Variants in PIP5K1B observed in about 807,000 individuals in gnomAD.
PIP5K1B encodes phosphatidylinositol-4-phosphate 5-kinase type 1 beta.
PIP5K1B carries 42 observed loss-of-function variants against 67.0 expected under a neutral mutation model. The observed-to-expected ratio is 0.63, with a 90% CI of 0.49 to 0.81. The LOEUF is 0.81. PIP5K1B is among the 30% of genes least tolerant of loss of function. The pLI is 0.00. For missense variants in PIP5K1B, 459 were observed against 646.3 expected, an observed-to-expected ratio of 0.71 and a Z score of 3.14; for synonymous variants, 214 against 231.4, an observed-to-expected ratio of 0.92 and a Z score of 0.68.
intron 2 of PIP5K1B, among the ~76,000 whole-genome samples, chr9:68,803,690 T>C (rs573855343): frequency 2.0e-5 from 3 of 152,370 alleles, no homozygotes; most frequent in African/African-American, 7.2e-5. Context: ...ACTGCTAGAA[T>C]GTCTAGGAAT....
chr9:68,962,646 TA>T (rs1828813497), intron 14 of PIP5K1B, among the ~76,000 whole-genome samples: 1 of 152,164 alleles, frequency 6.6e-6, no homozygotes, highest in Admixed American at 6.5e-5. Context: ...CTCAGAGAAT[TA>T]AAATTATGGG....
intron 14 of PIP5K1B, among the ~76,000 whole-genome samples, chr9:68,951,323 A>G (rs931244450): frequency 8.5e-5 from 13 of 152,224 alleles, no homozygotes; most frequent in Non-Finnish European, 4.4e-5. Flanking sequence ...GAAAAAAATA[A>G]TGGTAGAGTT....
chr9:68,850,998 A>G (rs967817574), intron 4 of PIP5K1B, among the ~76,000 whole-genome samples: 2 of 152,210 alleles, frequency 1.3e-5, no homozygotes, highest in Non-Finnish European at 2.9e-5. Flanking sequence ...TCTGCAGTTG[A>G]TGGCCTGTCT....
chr9:68,865,577 G>T (rs561411932), intron 5 of PIP5K1B, among the ~76,000 whole-genome samples: 2 of 152,274 alleles, frequency 1.3e-5, no homozygotes, highest in East Asian at 3.9e-4. Context: ...CTGAAGGTGG[G>T]GGTATAAAGA....
chr9:68,883,383 T>G (rs1006709454), intron 6 of PIP5K1B, among the ~76,000 whole-genome samples: 3 of 152,182 alleles, frequency 2.0e-5, no homozygotes, highest in Non-Finnish European at 4.4e-5. Context: ...TAATGCTGTT[T>G]AGCAAGAGAT....
chr9:68,919,838 C>T lies in PIP5K1B; in HGVS notation c.1116+109C>T, dbSNP rs564128036. On this transcript the variant is annotated intron_variant, in intron 11 of 15. Transcript: ENST00000265382. ...TAGACTCTAAGAGGAAATGAAACAA[C>T]GGTCTTTATAAACTCAGAATCTTAG... 58 of 616,120 alleles carry T rather than the reference C, an allele frequency of 9.4e-5. 1 individual carries two copies. The South Asian group carries it at 1.1e-3, about 12-fold the overall frequency. The allele number at this position is 616,120 out of a possible 1,614,324, so 38.2% of individuals were successfully genotyped here. A position where few individuals can be genotyped will look rare whatever the true frequency, so the allele number is the denominator to read the frequency against.
intron 1 of PIP5K1B, among the ~76,000 whole-genome samples, chr9:68,711,536 A>G (rs985918655): frequency 6.6e-6 from 1 of 152,236 alleles, no homozygotes; most frequent in Non-Finnish European, 1.5e-5. Flanking sequence ...TGAACAATTT[A>G]TATATCCAAA....
chr9:68,993,093 C>T (rs1234862094), intron 15 of PIP5K1B, among the ~76,000 whole-genome samples: 15 of 151,540 alleles, frequency 9.9e-5, no homozygotes, highest in African/African-American at 3.4e-4. Context: ...ACCCGGGAGG[C>T]GGAGCTTGCG....
At chr9:68,944,373 A>G (rs1457833258) in intron 14 of PIP5K1B, among the ~76,000 whole-genome samples, 1 of 152,196 alleles carries the variant, frequency 6.6e-6, no homozygotes, top group East Asian at 1.9e-4. Context: ...ACTTATGAAT[A>G]TTTTCATGAT....
intron 15 of PIP5K1B, among the ~76,000 whole-genome samples, chr9:68,991,978 G>GT (rs929228269): frequency 6.7e-5 from 9 of 133,848 alleles, no homozygotes; most frequent in South Asian, 2.3e-4. Flanking sequence ...AATTTTTTTT[G>GT]GGGGGGGGCA....
At position 68,968,715 on chromosome 9, in the gene PIP5K1B, A is replaced by ATTTTT. The variant is rs1554749541; in HGVS notation, c.1503-22419_1503-22415dup. 8.5e-3 allele frequency among the ~76,000 whole-genome samples: 1,214 copies of ATTTTT among 142,196 alleles called. 19 individuals are homozygous for ATTTTT. Among genetic ancestry groups the ATTTTT allele is most frequent in the African/African-American group, 0.029 (1,131 of 38,480 alleles). The allele number at this position is 142,196 out of a possible 152,430, so 93.3% of individuals were successfully genotyped here. A position where few individuals can be genotyped will look rare whatever the true frequency, so the allele number is the denominator to read the frequency against. On this transcript the variant is annotated intron_variant, in intron 14 of 15. Coordinates refer to ENST00000265382, the MANE Select transcript of PIP5K1B (RefSeq NM_003558.4). ...TCCTTGTTTATATATATATATATAT[A>ATTTTT]TTTTTTTTTTGCATGTGTTGACTAT...
intron 8 of PIP5K1B, among the ~76,000 whole-genome samples, chr9:68,903,918 C>T (rs992006513): frequency 1.9e-4 from 29 of 152,198 alleles, no homozygotes; most frequent in African/African-American, 6.3e-4. Context: ...TACTTTATTG[C>T]ATGGACAATA....
At chr9:68,753,111 C>A (rs905197099) in intron 2 of PIP5K1B, among the ~76,000 whole-genome samples, 2 of 151,584 alleles carry the variant, frequency 1.3e-5, no homozygotes, top group Admixed American at 1.3e-4. Context: ...GCCAGTTAAC[C>A]AAACTGATTT....
intron 5 of PIP5K1B, 148 bp downstream of exon 5, chr9:68,864,115 ATGTTTACTTCC>A: frequency 1.5e-6 from 1 of 652,144 alleles, no homozygotes. Flanking sequence ...AGTCCAAATG[ATGTTTACTTCC>A]TGTTTCATCA....
chr9:68,919,606 C>T (rs1826266254), intron 10 of PIP5K1B, 44 bp downstream of exon 10: 2 of 1,402,158 alleles, frequency 1.4e-6, no homozygotes, highest in African/African-American at 2.9e-5. Context: ...CAAAATCAAT[C>T]TACAAAAGGT....
intron 15 of PIP5K1B, among the ~76,000 whole-genome samples, chr9:68,996,598 G>A (rs1006820119): frequency 1.3e-5 from 2 of 152,182 alleles, no homozygotes; most frequent in Non-Finnish European, 2.9e-5. Flanking sequence ...ATTCTACTTT[G>A]TAAATAGTCC....
At chr9:68,904,627 G>T (rs964302306) in intron 8 of PIP5K1B, among the ~76,000 whole-genome samples, 3 of 152,176 alleles carry the variant, frequency 2.0e-5, no homozygotes, top group African/African-American at 7.2e-5. Flanking sequence ...TTACAGGGGG[G>T]TTGATTGTTT....
At chr9:68,717,071 T>C (rs1250306932) in intron 1 of PIP5K1B, among the ~76,000 whole-genome samples, 2 of 152,254 alleles carry the variant, frequency 1.3e-5, no homozygotes, top group African/African-American at 4.8e-5. Context: ...CAGTAGATAC[T>C]GGGAGCTCCA....
chr9:68,815,336 GA>G (rs1833387201), intron 2 of PIP5K1B, among the ~76,000 whole-genome samples: 1 of 150,396 alleles, frequency 6.6e-6, no homozygotes, highest in African/African-American at 2.4e-5. Flanking sequence ...TCAGAAGAAA[GA>G]AGGTATTATT....
Sources: allele counts gnomAD v4.1 joint callset (sites outside exome capture counted in the v4.1 genomes callset), GRCh38; gene constraint gnomAD v4.1.1; transcripts MANE v1.5; gene names NCBI Gene and HGNC (gene_info 2026-07-23, HGNC 2026-07-21).